Variants in ANO4 observed in about 807,000 individuals in gnomAD.
ANO4 encodes the protein anoctamin-4.
In ANO4, 69 loss-of-function variants were observed where a neutral mutation model predicts 141.9. That is an observed-to-expected ratio of 0.49 (90% confidence interval 0.40 to 0.59). The LOEUF (loss-of-function observed/expected upper bound fraction) is 0.59. ANO4 is among the 20% of genes least tolerant of loss of function. The pLI, the probability that ANO4 is intolerant of heterozygous loss-of-function variation, is 0.00. For synonymous variants in ANO4, 350 were observed against 394.3 expected (o/e 0.89, Z 1.33); for missense variants, 894 against 1,162.2 (o/e 0.77, Z 3.36).
At chr12:101,003,553 T>G (rs143137439) in intron 8 of ANO4, among the ~76,000 whole-genome samples, 122 of 152,338 alleles carry the variant, frequency 8.0e-4, no homozygotes, top group African/African-American at 2.9e-3. Flanking sequence ...TAAGACAGTA[T>G]GCTCAGGAAT....
At position 100,967,021 on chromosome 12, in the gene ANO4, A is replaced by G. The variant is rs142439090; in HGVS notation, c.457-4285A>G. Among the ~76,000 whole-genome samples, 724 of 152,156 alleles carry G rather than the reference A, an allele frequency of 4.8e-3. 6 individuals carry two copies. The highest frequency in any genetic ancestry group is 0.016 in the African/African-American group (676 of 41,502). On this transcript the variant is annotated intron_variant, in intron 5 of 27. Coordinates refer to ENST00000392977, the MANE Select transcript of ANO4 (RefSeq NM_001286615.2). ...GACTGTGACTGTTACATACCAAGGC[A>G]TGGACCAAAATTTATTAAATAGAAG...
intron 7 of ANO4, 96 bp from the exon 8 acceptor site, chr12:100,987,443 G>A: frequency 6.9e-7 from 1 of 1,453,338 alleles, no homozygotes; most frequent in Non-Finnish European, 9.4e-7. Context: ...TGGAATGTGT[G>A]GTATGATAGT....
chr12:101,116,454 A>G (rs2050854861), intron 24 of ANO4, among the ~76,000 whole-genome samples: 2 of 152,222 alleles, frequency 1.3e-5, no homozygotes, highest in Admixed American at 1.3e-4. Flanking sequence ...GATGTTCTAT[A>G]TGATGATTCT....
At chr12:100,971,229 A>G (rs10778090) in intron 5 of ANO4, 77 bp from the exon 6 acceptor site, 429,486 of 1,018,640 alleles carry the variant, frequency 0.42, 94,206 homozygotes, top group African/African-American at 0.61. Flanking sequence ...AGGTCCATGC[A>G]TTCTAAGTTC....
chr12:100,980,986 G>A (rs1490849151), intron 7 of ANO4, among the ~76,000 whole-genome samples: 3 of 152,022 alleles, frequency 2.0e-5, no homozygotes, highest in African/African-American at 7.3e-5. Flanking sequence ...GCTTGTAGGT[G>A]GAGTCTCATT....
intron 14 of ANO4, chr12:101,067,012 A>AG (rs933146289): frequency 1.0e-5 from 6 of 586,976 alleles, no homozygotes; most frequent in Non-Finnish European, 1.2e-5. Flanking sequence ...AAAAAAAAAA[A>AG]AAAAAGAAAG....
rs537717598 is a variant in ANO4 at position 101,015,117 on chromosome 12, C to G, written c.735-4917C>G. On this transcript the variant is annotated intron_variant, in intron 8 of 27. Coordinates refer to ENST00000392977, the MANE Select transcript of ANO4 (RefSeq NM_001286615.2). Reference sequence around the variant, plus strand: ...GGATTGCAGGCATCAGCTACTGCACCCAGCCAAAAATTGCAGTTTTTTAAA... The same window carrying G: ...GGATTGCAGGCATCAGCTACTGCACGCAGCCAAAAATTGCAGTTTTTTAAA... Among the ~76,000 whole-genome samples, 93 of 152,028 alleles carry G rather than the reference C, an allele frequency of 6.1e-4. No homozygotes were observed. The South Asian group carries it at 0.019, about 32-fold the overall frequency.
chr12:101,118,775 T>C (rs1182807737), intron 25 of ANO4, among the ~76,000 whole-genome samples: 1 of 152,094 alleles, frequency 6.6e-6, no homozygotes, highest in Non-Finnish European at 1.5e-5. Context: ...CATGCAGGTT[T>C]GTTACATATG....
intron 3 of ANO4, among the ~76,000 whole-genome samples, chr12:100,767,987 G>A (rs920084840): frequency 1.3e-5 from 2 of 152,116 alleles, no homozygotes; most frequent in African/African-American, 4.8e-5. Flanking sequence ...GGAACATGGG[G>A]CTTCATCAGT....
At chr12:100,939,507 A>G (rs2136167815) in intron 4 of ANO4, 56 bp downstream of exon 4, 2 of 1,584,176 alleles carry the variant, frequency 1.3e-6, no homozygotes, top group Middle Eastern at 1.7e-4. Context: ...GGAACCTGTG[A>G]AGCATGTTCC....
chr12:100,804,561 C>T (rs1187042214), intron 1 of ANO4, among the ~76,000 whole-genome samples: 1 of 152,218 alleles, frequency 6.6e-6, no homozygotes, highest in Non-Finnish European at 1.5e-5. Flanking sequence ...AATTTACACT[C>T]CCACCAACAA....
At chr12:100,808,533 C>T (rs1401203006) in intron 1 of ANO4, among the ~76,000 whole-genome samples, 1 of 152,200 alleles carries the variant, frequency 6.6e-6, no homozygotes, top group Non-Finnish European at 1.5e-5. Flanking sequence ...GGTATATGTT[C>T]CCATTTATTC....
chr12:100,891,374 T>C (rs1043422043), intron 1 of ANO4, among the ~76,000 whole-genome samples: 1 of 152,188 alleles, frequency 6.6e-6, no homozygotes, highest in African/African-American at 2.4e-5. Flanking sequence ...TGAGAGTAAG[T>C]TGAGTTTTGT....
chr12:101,084,212 G>A (rs762408905), intron 16 of ANO4, among the ~76,000 whole-genome samples: 7 of 152,112 alleles, frequency 4.6e-5, no homozygotes, highest in Non-Finnish European at 8.8e-5. Context: ...TCATAACCCC[G>A]AATATGCCAA....
rs1348489011 is a variant in ANO4 at position 101,126,895 on chromosome 12, T to G, written c.2693T>G (p.Ile898Arg). The G allele has an allele frequency of 6.2e-7, 1 of 1,613,948 alleles. No individual in the cohort carries two copies. The highest frequency in any genetic ancestry group is 1.3e-5 in the African/African-American group (1 of 74,916). The change falls in exon 27 of 28, where the codon ATA becomes AGA. Residue 898 changes from isoleucine to arginine, a missense_variant. By Grantham distance (97) the Ile-to-Arg change is moderately conservative. Transcript: ENST00000392977. ...IIVFEHLVFC[I>R]KHLISYLIPD... is the part of the protein sequence containing the mutation. ...CTGTTTTAGCACCTCGTGTTTTGTA[T>G]AAAGCACCTCATTTCATATCTGATC...
At chr12:100,796,951 T>A (rs948507250) in intron 1 of ANO4, among the ~76,000 whole-genome samples, 1 of 152,210 alleles carries the variant, frequency 6.6e-6, no homozygotes, top group Non-Finnish European at 1.5e-5. Flanking sequence ...GGAAATAGAC[T>A]CAGTATTTCT....
intron 5 of ANO4, among the ~76,000 whole-genome samples, chr12:100,959,455 A>G (rs9804744): frequency 0.17 from 25,535 of 152,118 alleles, 2,659 homozygotes; most frequent in Middle Eastern, 0.34. Flanking sequence ...TCTACACTTC[A>G]CAGAAAACTT....
intron 3 of ANO4, among the ~76,000 whole-genome samples, chr12:100,937,765 T>C (rs2042345588): frequency 6.6e-6 from 1 of 152,162 alleles, no homozygotes; most frequent in Non-Finnish European, 1.5e-5. Context: ...AGAATCTGCT[T>C]TTTTGTCTTT....
intron 19 of ANO4, among the ~76,000 whole-genome samples, chr12:101,097,270 T>C (rs632198): frequency 0.94 from 143,170 of 152,242 alleles, 67,429 homozygotes; most frequent in East Asian, 1. Flanking sequence ...CAGCACAAAA[T>C]TCTAGGCAAA....
Sources: allele counts gnomAD v4.1 joint callset (sites outside exome capture counted in the v4.1 genomes callset), GRCh38; gene constraint gnomAD v4.1.1; transcripts MANE v1.5; gene names NCBI Gene and HGNC (gene_info 2026-07-23, HGNC 2026-07-21).